Variants in UTRN observed in about 807,000 individuals in gnomAD.
The protein encoded by UTRN is utrophin.
Under a neutral mutation model 463.9 loss-of-function variants are expected in UTRN, and 283 were observed. That is an observed-to-expected ratio of 0.61 (90% confidence interval 0.55 to 0.67). The LOEUF is 0.67. Among genes scored for constraint, UTRN ranks in the 30% least tolerant of loss-of-function variants. The pLI, the probability that UTRN is intolerant of heterozygous loss-of-function variation, is 0.00. For missense variants in UTRN, 3,922 were observed against 4,084.3 expected, an observed-to-expected ratio of 0.96 and a Z score of 1.08; for synonymous variants, 1,442 against 1,431.5, an observed-to-expected ratio of 1.01 and a Z score of -0.17.
At chr6:144,795,956 C>A (rs1777176691) in intron 63 of UTRN, among the ~76,000 whole-genome samples, 6 of 152,020 alleles carry the variant, frequency 3.9e-5, no homozygotes, top group Admixed American at 3.9e-4. Context: ...GTTGCCATTG[C>A]TTTTGGTGTT....
chr6:144,352,271 G>A (rs76002634), intron 2 of UTRN, among the ~76,000 whole-genome samples: 1,650 of 152,290 alleles, frequency 0.011, 24 homozygotes, highest in African/African-American at 0.037. Context: ...AGGAAAAGTA[G>A]AATCTTTTTT....
intron 2 of UTRN, among the ~76,000 whole-genome samples, chr6:144,348,033 G>A (rs1777758075): frequency 6.6e-6 from 1 of 151,950 alleles, no homozygotes; most frequent in South Asian, 2.1e-4. Context: ...TTTCTGTAGA[G>A]ATGGGATCTC....
chr6:144,453,842 C>A lies in UTRN; in HGVS notation c.2257C>A (p.Gln753Lys), dbSNP rs982247518. 3 of 1,613,524 alleles carry A rather than the reference C, an allele frequency of 1.9e-6. No individual in the cohort carries two copies. Among genetic ancestry groups the A allele is most frequent in the Non-Finnish European group, 2.5e-6 (3 of 1,179,690 alleles). The stretch of plus-strand genomic sequence containing the variant: ...AGCAGATGAATTAAACCAAACTGGA[C>A]AAATCCTTGTGGAGCAAATGGGAAA... ...PRADELNQTG[Q>K]ILVEQMGKEG... Residue 753 changes from glutamine to lysine, a missense_variant, in exon 19 of 75, where the codon CAA becomes AAA. By Grantham distance (53) the Gln-to-Lys change is moderately conservative. Coordinates refer to ENST00000367545, the MANE Select transcript of UTRN (RefSeq NM_007124.3).
intron 57 of UTRN, among the ~76,000 whole-genome samples, chr6:144,756,418 A>G (rs1233395609): frequency 6.6e-6 from 1 of 152,186 alleles, no homozygotes; most frequent in Non-Finnish European, 1.5e-5. Context: ...ATGGCCTTGT[A>G]TTATCTAACA....
chr6:144,554,121 A>T (rs1353725184), intron 48 of UTRN, among the ~76,000 whole-genome samples: 1 of 152,216 alleles, frequency 6.6e-6, no homozygotes, highest in Non-Finnish European at 1.5e-5. Flanking sequence ...TGCACAGTTC[A>T]TGAGTCTCTT....
At chr6:144,815,418 T>C (rs1232607473) in intron 65 of UTRN, among the ~76,000 whole-genome samples, 2 of 152,154 alleles carry the variant, frequency 1.3e-5, no homozygotes, top group Non-Finnish European at 2.9e-5. Context: ...ACTCACATGA[T>C]CACAAGGTGA....
chr6:144,635,138 GTTTTTTTTTTT>G (rs149100143), intron 51 of UTRN, among the ~76,000 whole-genome samples: 2 of 103,114 alleles, frequency 1.9e-5, no homozygotes, highest in Non-Finnish European at 4.0e-5. Context: ...TTATTTGTGT[GTTTTTTTTTTT>G]TTTTTTTTTT....
intron 54 of UTRN, among the ~76,000 whole-genome samples, chr6:144,739,181 T>C (rs1789778002): frequency 6.6e-6 from 1 of 152,192 alleles, no homozygotes; most frequent in African/African-American, 2.4e-5. Flanking sequence ...CCTGATATTT[T>C]AGAAAGCCAA....
chr6:144,621,537 G>T (rs1472111307), intron 51 of UTRN, among the ~76,000 whole-genome samples: 2 of 152,130 alleles, frequency 1.3e-5, no homozygotes, highest in South Asian at 2.1e-4. Flanking sequence ...TCGCTATGAT[G>T]CAATTCTCTT....
chr6:144,495,149 CA>C (rs2128581431), intron 33 of UTRN, among the ~76,000 whole-genome samples: 1 of 152,334 alleles, frequency 6.6e-6, no homozygotes, highest in East Asian at 1.9e-4. Flanking sequence ...CGTGGGCTTG[CA>C]CTCCTCAGCC....
chr6:144,698,448 G>A (rs948106020), intron 52 of UTRN, among the ~76,000 whole-genome samples: 7 of 152,180 alleles, frequency 4.6e-5, no homozygotes, highest in African/African-American at 1.2e-4. Context: ...TTCACACAGC[G>A]TTTTTTAATC....
chr6:144,506,461 G>A (rs1293482187), intron 34 of UTRN, among the ~76,000 whole-genome samples: 2 of 152,158 alleles, frequency 1.3e-5, no homozygotes, highest in African/African-American at 4.8e-5. Context: ...GCCTCATGGT[G>A]ACAGAATATC....
At chr6:144,298,308 G>A (rs1167269184) in intron 2 of UTRN, among the ~76,000 whole-genome samples, 1 of 152,196 alleles carries the variant, frequency 6.6e-6, no homozygotes, top group Non-Finnish European at 1.5e-5. Context: ...CCAGGTCCCA[G>A]TCCTTTCGCT....
chr6:144,846,958 A>T, intron 74 of UTRN, 131 bp downstream of exon 74: 1 of 1,316,564 alleles, frequency 7.6e-7, no homozygotes, highest in Non-Finnish European at 1.1e-6. Context: ...TTTAAATGTT[A>T]GTTGATTCTG....
intron 2 of UTRN, among the ~76,000 whole-genome samples, chr6:144,369,962 A>T (rs759450051): frequency 6.6e-6 from 1 of 151,780 alleles, no homozygotes; most frequent in Non-Finnish European, 1.5e-5. Flanking sequence ...AGTCCATTAA[A>T]CCTCTTTTTC....
chr6:144,627,079 G>A (rs1265001397), intron 51 of UTRN, among the ~76,000 whole-genome samples: 1 of 151,014 alleles, frequency 6.6e-6, no homozygotes, highest in East Asian at 1.9e-4. Context: ...TGCCCTACCT[G>A]TGTGTGTGTG....
intron 58 of UTRN, among the ~76,000 whole-genome samples, chr6:144,766,239 G>A (rs1480007325): frequency 6.6e-6 from 1 of 152,054 alleles, no homozygotes. Flanking sequence ...GGACTGAAAA[G>A]ATTATAAATT....
chr6:144,556,487 C>T (rs1799395307), intron 49 of UTRN, among the ~76,000 whole-genome samples: 1 of 152,140 alleles, frequency 6.6e-6, no homozygotes, highest in Admixed American at 6.5e-5. Flanking sequence ...TCTTCTGAAA[C>T]CTTAGGCTGA....
At chr6:144,323,506 A>G (rs573258809) in intron 2 of UTRN, among the ~76,000 whole-genome samples, 1 of 152,362 alleles carries the variant, frequency 6.6e-6, no homozygotes, top group East Asian at 1.9e-4. Flanking sequence ...TTCTTACATC[A>G]GAATCCATGA....
Sources: gnomAD v4.1 joint callset for allele counts (sites outside exome capture counted in the v4.1 genomes callset) on GRCh38, gnomAD v4.1.1 for gene constraint, MANE v1.5 for transcripts, NCBI Gene and HGNC (gene_info 2026-07-23, HGNC 2026-07-21) for gene names.